SIK3: variants seen among roughly 807,000 people sequenced by gnomAD.
The protein encoded by SIK3 is SIK family kinase 3.
In SIK3, 28 loss-of-function variants were observed where a neutral mutation model predicts 144.2. The ratio of observed to expected loss-of-function variants is 0.19; its 90% CI spans 0.14 to 0.27. The LOEUF (loss-of-function observed/expected upper bound fraction) is 0.27. SIK3 is among the 10% of genes least tolerant of loss of function. The pLI, the probability that SIK3 is intolerant of heterozygous loss-of-function variation, is 1.00. For missense variants in SIK3, 1,319 were observed against 1,776.0 expected (o/e 0.74, Z 4.62); for synonymous variants, 686 against 676.3 (o/e 1.01, Z -0.22).
At chr11:117,005,607 C>T (rs530278384) in intron 1 of SIK3, among the ~76,000 whole-genome samples, 1 of 152,194 alleles carries the variant, frequency 6.6e-6, no homozygotes, top group Admixed American at 6.5e-5. Context: ...AACTCTGGAA[C>T]TTCAGGTATA....
At chr11:116,965,777 AT>A (rs1565507777) in intron 1 of SIK3, among the ~76,000 whole-genome samples, 2 of 60,196 alleles carry the variant, frequency 3.3e-5, no homozygotes, top group East Asian at 3.7e-4. Context: ...ATATATATAT[AT>A]ATATAAATTA....
At position 117,060,112 on chromosome 11, in the gene SIK3, T is replaced by C. The variant is rs117745079; in HGVS notation, c.273+38031A>G. On this transcript the variant is annotated intron_variant, in intron 1 of 24. Coordinates refer to ENST00000445177, the MANE Select transcript of SIK3 (RefSeq NM_001366686.3). ...TGAAAGCAACCAACAAGTTCCTTAA[T>C]AGGTGAATGGGTAAATAAACAGTGG... is the stretch of plus-strand genomic sequence containing the variant. Among the ~76,000 whole-genome samples the C allele has an allele frequency of 2.8e-4, 42 of 152,294 alleles. No homozygotes were observed. In the East Asian group the frequency reaches 7.9e-3, roughly 29 times the overall value.
At chr11:117,043,267 A>C (rs1046763555) in intron 1 of SIK3, among the ~76,000 whole-genome samples, 1 of 152,166 alleles carries the variant, frequency 6.6e-6, no homozygotes, top group African/African-American at 2.4e-5. Context: ...TAAAAAAGGA[A>C]ACAGAGTAGT....
chr11:116,881,984 A>G (rs1944576441), intron 6 of SIK3, among the ~76,000 whole-genome samples: 1 of 152,252 alleles, frequency 6.6e-6, no homozygotes, highest in African/African-American at 2.4e-5. Context: ...GTCTTACTCC[A>G]GGGAGCTCTT....
chr11:116,868,127 C>T, intron 14 of SIK3, 38 bp from the exon 15 acceptor site: 1 of 1,550,304 alleles, frequency 6.5e-7, no homozygotes, highest in Non-Finnish European at 8.7e-7. Context: ...GTAAAAAAGA[C>T]AGACAGGAAT....
intron 1 of SIK3, among the ~76,000 whole-genome samples, chr11:117,087,743 T>C (rs1955077689): frequency 6.6e-6 from 1 of 152,182 alleles, no homozygotes; most frequent in Non-Finnish European, 1.5e-5. Context: ...AATATACATA[T>C]TAGGTGCCGT....
At chr11:116,857,462 C>T (rs1362877941) in intron 21 of SIK3, 3 of 262,032 alleles carry the variant, frequency 1.1e-5, no homozygotes, top group Non-Finnish European at 2.2e-5. Flanking sequence ...ACTATTTACA[C>T]TAAATTATGT....
At chr11:117,069,247 A>G (rs1254339772) in intron 1 of SIK3, among the ~76,000 whole-genome samples, 1 of 151,930 alleles carries the variant, frequency 6.6e-6, no homozygotes, top group Non-Finnish European at 1.5e-5. Flanking sequence ...ATAAGTAGAA[A>G]GAAATAATAC....
intron 4 of SIK3, among the ~76,000 whole-genome samples, chr11:116,899,441 G>A (rs1945625476): frequency 6.6e-6 from 1 of 152,048 alleles, no homozygotes; most frequent in Admixed American, 6.6e-5. Context: ...CTTGGACCCA[G>A]AATTTTTATG....
intron 4 of SIK3, among the ~76,000 whole-genome samples, chr11:116,900,569 A>G (rs1000942714): frequency 6.6e-6 from 1 of 152,100 alleles, no homozygotes. Flanking sequence ...GCTCCATCCT[A>G]TGTTTCCAAT....
intron 15 of SIK3, 97 bp from the exon 16 acceptor site, chr11:116,863,915 G>A: frequency 1.5e-6 from 2 of 1,303,436 alleles, no homozygotes; most frequent in South Asian, 1.5e-5. Flanking sequence ...AAGACGGCTG[G>A]CTGCCCAGGT....
At chr11:116,991,181 C>T (rs893141823) in intron 1 of SIK3, among the ~76,000 whole-genome samples, 1 of 152,218 alleles carries the variant, frequency 6.6e-6, no homozygotes, top group African/African-American at 2.4e-5. Context: ...GTCATGGTGG[C>T]TCATGCCTGT....
chr11:117,066,816 GCATGAGC>G (rs2135981117), intron 1 of SIK3, among the ~76,000 whole-genome samples: 1 of 152,294 alleles, frequency 6.6e-6, no homozygotes, highest in South Asian at 2.1e-4. Context: ...TTACAGGCAT[GCATGAGC>G]CACTGTGCCC....
chr11:117,098,164 C>T lies in SIK3; in HGVS notation c.252G>A (p.Thr84=), dbSNP rs767272271. ...KGNFAVVKRA[T]HLVTKAKVAI... The stretch of plus-strand genomic sequence containing the variant: ...GTACCTTGGCCTTGGTGACGAGGTG[C>T]GTGGCCCGCTTGACCACCGCGAAGT... Residue 84 remains threonine (T), a synonymous_variant, in exon 1 of 25, where the codon ACG becomes ACA. Transcript: ENST00000445177. 2 of 1,512,996 alleles carry T rather than the reference C, an allele frequency of 1.3e-6. No homozygotes were observed. The highest frequency in any genetic ancestry group is 1.9e-5 in the Admixed American group (1 of 53,684). 93.7% of individuals were successfully genotyped at this position (1,512,996 alleles called of 1,614,324 possible). A position where few individuals can be genotyped will look rare whatever the true frequency, so the allele number is the denominator to read the frequency against.
intron 1 of SIK3, among the ~76,000 whole-genome samples, chr11:117,001,156 T>A (rs1378520490): frequency 6.6e-6 from 1 of 152,266 alleles, no homozygotes; most frequent in African/African-American, 2.4e-5. Context: ...CACTTGACTG[T>A]ATGACTATCT....
At chr11:117,006,645 A>G (rs183640608) in intron 1 of SIK3, among the ~76,000 whole-genome samples, 2,902 of 152,170 alleles carry the variant, frequency 0.019, 44 homozygotes, top group Non-Finnish European at 0.029. Flanking sequence ...GTTTAAAAAA[A>G]AAAGAAAGAA....
chr11:117,094,292 T>A (rs1248035237), intron 1 of SIK3, among the ~76,000 whole-genome samples: 1 of 152,170 alleles, frequency 6.6e-6, no homozygotes, highest in South Asian at 2.1e-4. Flanking sequence ...TTTATAGTCA[T>A]GCATACTTTA....
At chr11:117,082,741 T>C (rs533986533) in intron 1 of SIK3, among the ~76,000 whole-genome samples, 244 of 152,208 alleles carry the variant, frequency 1.6e-3, no homozygotes, top group African/African-American at 4.8e-3. Flanking sequence ...TTAAAAAAAA[T>C]TGGGTGAACT....
At chr11:116,955,325 G>A (rs141977859) in intron 2 of SIK3, among the ~76,000 whole-genome samples, 35 of 152,328 alleles carry the variant, frequency 2.3e-4, no homozygotes, top group African/African-American at 7.5e-4. Context: ...TTGAACCCAG[G>A]AGGCGCAGGC....
Sources: gnomAD v4.1 joint callset for allele counts (sites outside exome capture counted in the v4.1 genomes callset) on GRCh38, gnomAD v4.1.1 for gene constraint, MANE v1.5 for transcripts, NCBI Gene and HGNC (gene_info 2026-07-23, HGNC 2026-07-21) for gene names.